The following DPAGT1 variants were observed in gnomAD, a reference collection of about 807,000 sequenced individuals.
DPAGT1 encodes dolichyl-phosphate N-acetylglucosaminephosphotransferase 1.
In DPAGT1, 25 loss-of-function variants were observed where a neutral mutation model predicts 39.3. That is an observed-to-expected ratio of 0.64 (90% CI 0.46 to 0.89). The LOEUF is 0.89. Ranked by LOEUF, DPAGT1 falls within the 40% of genes least tolerant of loss-of-function variation. The pLI, the probability that DPAGT1 is intolerant of heterozygous loss-of-function variation, is 0.00. For synonymous variants in DPAGT1, 193 were observed against 201.4 expected (o/e 0.96, Z 0.36); for missense variants, 381 against 500.6 (o/e 0.76, Z 2.28).
chr11:119,098,134 G>A (rs1217642391), intron 5 of DPAGT1, 91 bp from the exon 6 acceptor site: 1 of 1,550,928 alleles, frequency 6.4e-7, no homozygotes, highest in Non-Finnish European at 8.8e-7. Context: ...GACTAGCCCT[G>A]ACCCTAGTTC....
chr11:119,101,198 G>T (rs1946499023), intron 1 of DPAGT1, 60 bp from the exon 2 acceptor site: 4 of 1,610,418 alleles, frequency 2.5e-6, no homozygotes, highest in Non-Finnish European at 3.4e-6. Flanking sequence ...TCACTCACTA[G>T]TGCAGGTGTT....
chr11:119,096,834 G>T lies in DPAGT1; in HGVS notation c.*164C>A. On this transcript the variant is annotated 3_prime_UTR_variant, in exon 9 of 9. Coordinates refer to ENST00000354202, the MANE Select transcript of DPAGT1 (RefSeq NM_001382.4). ...GTCAGCAGAGGGCAAGAAACGCCCA[G>T]GATGCCAATGATCACAGAGAAAGGA... 1 of 847,624 alleles carries T rather than the reference G, an allele frequency of 1.2e-6. No homozygotes were observed. The highest frequency in any genetic ancestry group is 1.9e-6 in the Non-Finnish European group (1 of 522,770). 52.5% of individuals were successfully genotyped at this position (847,624 alleles called of 1,614,324 possible).
chr11:119,100,210 G>A lies in DPAGT1; in HGVS notation c.643+52C>T. 1.4e-5 allele frequency: 23 copies of A among 1,612,922 alleles called. No homozygotes were observed. In the South Asian group the frequency reaches 2.2e-4, roughly 15 times the overall value. On this transcript the variant is annotated intron_variant, in intron 4 of 8. Transcript: ENST00000354202. ...TGAATTTCCCAAAGTCATATATCAG[G>A]CCACACCTTTAACACTCAGACTTCT...
At position 119,097,126 on chromosome 11, in the gene DPAGT1, C is replaced by T. The variant is rs201301096; in HGVS notation, c.1161+16G>A. ...AAAGGGAGACACGGAGGTATAAACTCGATTCCCATCCTCACCTGCAGCAGC... is the reference window on the plus strand; with the variant it reads ...AAAGGGAGACACGGAGGTATAAACTTGATTCCCATCCTCACCTGCAGCAGC... On this transcript the variant is annotated intron_variant, in intron 8 of 8. Transcript: ENST00000354202. This position sits in a 1 kb window ranked among gnomAD's most constrained non-coding sequence, Gnocchi z 4.6. The T allele has an allele frequency of 2.2e-4, 349 of 1,614,176 alleles. 1 individual carries two copies. The African/African-American group carries it at 3.6e-3, about 17-fold the overall frequency.
intron 4 of DPAGT1, among the ~76,000 whole-genome samples, chr11:119,099,999 T>C (rs1282123091): frequency 6.6e-6 from 1 of 152,114 alleles, no homozygotes; most frequent in African/African-American, 2.4e-5. Flanking sequence ...TGTGTAACGT[T>C]GGGGTTCTGT....
Position 119,096,890 on chromosome 11 carries a change from G to T in DPAGT1, c.*108C>A. 7.8e-7 allele frequency: 1 copy of T among 1,275,576 alleles called. No homozygotes were observed. Among genetic ancestry groups the T allele is most frequent in the Non-Finnish European group, 1.1e-6 (1 of 889,762 alleles). The allele number at this position is 1,275,576 out of a possible 1,614,324, so 79.0% of individuals were successfully genotyped here. ...CTGAGAACAAAATCTGGAGGAGTAT[G>T]AAGAGTGAGAGAGGCCTGGGCAAGG... On this transcript the variant is annotated 3_prime_UTR_variant, in exon 9 of 9. Transcript: ENST00000354202.
At position 119,098,440 on chromosome 11, in the gene DPAGT1, AG is replaced by A; in HGVS notation, c.690del (p.Phe233SerfsTer28). 6.2e-7 allele frequency: 1 copy of A among 1,614,180 alleles called. No individual in the cohort carries two copies. Among genetic ancestry groups the A allele is most frequent in the South Asian group, 1.1e-5 (1 of 91,084 alleles). ...DHVFSLYFMI[P>X]FFFTTLGLLY... ...AGCAATCCCAAAGTGGTGAAAAAAA[AG>A]GGTATCATGAAGTAGAGGGAAAAGA... On this transcript the variant is annotated frameshift_variant, in exon 5 of 9. Coordinates refer to ENST00000354202, the MANE Select transcript of DPAGT1 (RefSeq NM_001382.4). LOFTEE classifies it high-confidence loss of function.
chr11:119,095,296 C>T (rs148034083), downstream of DPAGT1: 122 of 1,612,216 alleles, frequency 7.6e-5, no homozygotes, highest in Middle Eastern at 4.9e-4. Context: ...TCCGCAGCAG[C>T]CGGTGTACAC....
At chr11:119,094,417 G>C (rs879464384), downstream of DPAGT1, 2 of 152,260 alleles carry the variant, frequency 1.3e-5, no homozygotes, top group South Asian at 2.1e-4. Context: ...ACGCCGGGGG[G>C]GTACCAGACA....
Position 119,100,411 on chromosome 11 carries a change from GC to G in DPAGT1, c.497-4del. ...CATGTAGACATAGTACAGGATTCCT[GC>G]GGGGAGAGATGGTAGGAAAAGAAGT... On this transcript the variant is annotated splice_region_variant and splice_polypyrimidine_tract_variant and intron_variant, in intron 3 of 8. Transcript: ENST00000354202. The G allele has an allele frequency of 6.2e-7, 1 of 1,614,222 alleles. No homozygotes were observed. The highest frequency in any genetic ancestry group is 8.5e-7 in the Non-Finnish European group (1 of 1,180,046).
At position 119,098,460 on chromosome 11, in the gene DPAGT1, G is replaced by A. The variant is rs751590922; in HGVS notation, c.671C>T (p.Ser224Phe). ...AAAAAAGGGTATCATGAAGTAGAGG[G>A]AAAAGACATGATCATCCCGACAATC... is the stretch of plus-strand genomic sequence containing the variant. ...EGDCRDDHVF[S>F]LYFMIPFFFT... is the part of the protein sequence containing the mutation. The change falls in exon 5 of 9, where the codon TCC becomes TTC. Residue 224 changes from serine to phenylalanine, a missense_variant. By Grantham distance (155) the Ser-to-Phe change is radical. Coordinates refer to ENST00000354202, the MANE Select transcript of DPAGT1 (RefSeq NM_001382.4). 48 of 1,614,020 alleles carry A rather than the reference G, an allele frequency of 3.0e-5. No homozygotes were observed. The highest frequency in any genetic ancestry group is 8.5e-7 in the Non-Finnish European group (1 of 1,180,024).
At chr11:119,098,610 G>C in intron 4 of DPAGT1, 123 bp from the exon 5 acceptor site, 1 of 923,204 alleles carries the variant, frequency 1.1e-6, no homozygotes, top group South Asian at 1.4e-5. Flanking sequence ...TCACTTTTAA[G>C]AACTCAATAC....
chr11:119,100,306 A>G lies in DPAGT1; in HGVS notation c.599T>C (p.Val200Ala). 2 of 1,614,196 alleles carry G rather than the reference A, an allele frequency of 1.2e-6. No individual in the cohort carries two copies. The highest frequency in any genetic ancestry group is 1.7e-6 in the Non-Finnish European group (2 of 1,180,030). The part of the protein sequence containing the change: ...INGLEAGQSL[V>A]ISASIIVFNL... ...GAAGACAATGATGGAAGCAGAAATG[A>G]CTAGTGACTGGCCAGCCTCTAGGCC... Residue 200 changes from valine to alanine, a missense_variant, in exon 4 of 9, where the codon GTC (valine) becomes GCC (alanine). By Grantham distance (64) the Val-to-Ala change is moderately conservative (BLOSUM62 0). Coordinates refer to ENST00000354202, the MANE Select transcript of DPAGT1 (RefSeq NM_001382.4).
chr11:119,096,757 A>G lies in DPAGT1; in HGVS notation c.*241T>C, dbSNP rs74657539. On this transcript the variant is annotated 3_prime_UTR_variant, in exon 9 of 9. Transcript: ENST00000354202. ...CTATGAGGCTGCAAAGATGGGATGG[A>G]GAGGGAGAGAGTAGCAAGTTGCAGA... is the stretch of plus-strand genomic sequence containing the variant. 811 of 584,946 alleles carry G rather than the reference A, an allele frequency of 1.4e-3. 1 individual carries two copies. The highest frequency in any genetic ancestry group is 1.8e-3 in the Non-Finnish European group (587 of 329,312). The allele number at this position is 584,946 out of a possible 1,614,324, so 36.2% of individuals were successfully genotyped here. A position where few individuals can be genotyped will look rare whatever the true frequency, so the allele number is the denominator to read the frequency against.
chr11:119,100,538 A>C, intron 3 of DPAGT1, 92 bp downstream of exon 3: 1 of 1,598,606 alleles, frequency 6.3e-7, no homozygotes, highest in Non-Finnish European at 8.6e-7. Context: ...AGACACAGAG[A>C]CAAAAAAGGA....
At chr11:119,099,725 G>C (rs1317622819) in intron 4 of DPAGT1, among the ~76,000 whole-genome samples, 2 of 144,868 alleles carry the variant, frequency 1.4e-5, no homozygotes, top group African/African-American at 5.2e-5. Context: ...AGGATGCAGT[G>C]AGCTAAGATC....
At chr11:119,098,290 A>G in intron 5 of DPAGT1, 113 bp downstream of exon 5, 1 of 1,279,832 alleles carries the variant, frequency 7.8e-7, no homozygotes. Flanking sequence ...AGACGCAGAA[A>G]ACTCCATAGA....
intron 1 of DPAGT1, 125 bp from the exon 2 acceptor site, chr11:119,101,263 A>G: frequency 7.1e-7 from 1 of 1,412,690 alleles, no homozygotes; most frequent in Non-Finnish European, 9.8e-7. Flanking sequence ...GTAAGTGGTG[A>G]GGGGGGCGGA....
At position 119,100,793 on chromosome 11, in the gene DPAGT1, C is replaced by G; in HGVS notation, c.333G>C (p.Leu111=). ...GATTCAGTACATCATCCGCAAAGCC[C>G]AGGAAGATCATGCAGCAGATGGCAA... is the stretch of plus-strand genomic sequence containing the variant. ...ALLAICCMIF[L]GFADDVLNLR... Residue 111 remains leucine (L), a synonymous_variant, in exon 3 of 9, where the codon CTG becomes CTC. Transcript: ENST00000354202. 6.2e-7 allele frequency: 1 copy of G among 1,614,200 alleles called. No individual in the cohort carries two copies. Among genetic ancestry groups the G allele is most frequent in the Non-Finnish European group, 8.5e-7 (1 of 1,180,038 alleles).
Sources: gnomAD v4.1 joint callset for allele counts (sites outside exome capture counted in the v4.1 genomes callset) on GRCh38, gnomAD v4.1.1 for gene constraint, Gnocchi (gnomAD v3.1) non-coding constraint, MANE v1.5 for transcripts, NCBI Gene and HGNC (gene_info 2026-07-23, HGNC 2026-07-21) for gene names.